GRID2: variants seen among roughly 807,000 people sequenced by gnomAD.
GRID2 encodes glutamate receptor ionotropic, delta-2.
GRID2 carries 33 observed loss-of-function variants against 114.8 expected under a neutral mutation model. That is an observed-to-expected ratio of 0.29 (90% confidence interval 0.22 to 0.38). The LOEUF (loss-of-function observed/expected upper bound fraction) is 0.38, where lower values mean the gene tolerates loss of function less well. Among genes scored for constraint, GRID2 ranks in the 10% least tolerant of loss-of-function variants. The pLI, the probability that GRID2 is intolerant of heterozygous loss-of-function variation, is 1.00. For missense variants in GRID2, 1,184 were observed against 1,257.7 expected, an observed-to-expected ratio of 0.94 and a Z score of 0.89; for synonymous variants, 505 against 449.9, an observed-to-expected ratio of 1.12 and a Z score of -1.55.
chr4:93,075,456 AC>A (rs1386166163), intron 2 of GRID2, among the ~76,000 whole-genome samples: 1 of 152,124 alleles, frequency 6.6e-6, no homozygotes, highest in African/African-American at 2.4e-5. Context: ...TCAAAATTGG[AC>A]TGGTGGTACC....
At chr4:92,641,966 ATTCTT>A (rs758368704) in intron 2 of GRID2, among the ~76,000 whole-genome samples, 4 of 150,886 alleles carry the variant, frequency 2.7e-5, no homozygotes, top group Non-Finnish European at 4.4e-5. Context: ...GCATTATTTC[ATTCTT>A]TTATGACTGT....
chr4:92,404,433 G>A (rs758531894), intron 1 of GRID2, among the ~76,000 whole-genome samples: 1 of 152,160 alleles, frequency 6.6e-6, no homozygotes, highest in African/African-American at 2.4e-5. Flanking sequence ...TTACACCGTT[G>A]GTGGGAATGT....
intron 8 of GRID2, among the ~76,000 whole-genome samples, chr4:93,270,478 T>G (rs954813755): frequency 6.6e-6 from 1 of 152,198 alleles, no homozygotes; most frequent in Non-Finnish European, 1.5e-5. Context: ...TGGAGAAGAC[T>G]TCTCTGTAAA....
At chr4:93,328,680 T>G (rs1451750495) in intron 8 of GRID2, among the ~76,000 whole-genome samples, 1 of 151,460 alleles carries the variant, frequency 6.6e-6, no homozygotes, top group African/African-American at 2.4e-5. Context: ...ATATGTTGAT[T>G]AAGTGCATGG....
At chr4:92,659,892 C>A (rs966944608) in intron 2 of GRID2, among the ~76,000 whole-genome samples, 2 of 151,418 alleles carry the variant, frequency 1.3e-5, no homozygotes, top group African/African-American at 4.8e-5. Flanking sequence ...TTAGTACATT[C>A]TTTCCTCGGA....
At chr4:93,141,597 CA>C (rs1374061596) in intron 4 of GRID2, among the ~76,000 whole-genome samples, 1 of 152,066 alleles carries the variant, frequency 6.6e-6, no homozygotes, top group Non-Finnish European at 1.5e-5. Context: ...GAAATGATTA[CA>C]AAAATTTATA....
At chr4:93,073,554 T>TG (rs1179819919) in intron 2 of GRID2, among the ~76,000 whole-genome samples, 2 of 152,162 alleles carry the variant, frequency 1.3e-5, no homozygotes, top group East Asian at 3.9e-4. Flanking sequence ...TTTTTTACTG[T>TG]GGGGGTTGAC....
At chr4:93,291,997 G>A (rs573939091) in intron 8 of GRID2, among the ~76,000 whole-genome samples, 1 of 152,120 alleles carries the variant, frequency 6.6e-6, no homozygotes, top group East Asian at 1.9e-4. Context: ...AAGTTTTATT[G>A]TTACTCATAA....
chr4:93,384,998 A>C (rs1018240006), intron 8 of GRID2, among the ~76,000 whole-genome samples: 1 of 152,174 alleles, frequency 6.6e-6, no homozygotes, highest in Non-Finnish European at 1.5e-5. Context: ...GATTTATGGG[A>C]GTTTCAATTG....
intron 11 of GRID2, among the ~76,000 whole-genome samples, chr4:93,460,416 G>T (rs1420047691): frequency 6.6e-6 from 1 of 152,068 alleles, no homozygotes; most frequent in African/African-American, 2.4e-5. Flanking sequence ...AACCTGATTA[G>T]ACTCTACTCC....
At chr4:92,687,426 ACT>A (rs1374355693) in intron 2 of GRID2, among the ~76,000 whole-genome samples, 2 of 152,180 alleles carry the variant, frequency 1.3e-5, no homozygotes, top group African/African-American at 4.8e-5. Context: ...CAATTCACAC[ACT>A]GTTTTTAGCT....
chr4:93,729,611 T>A (rs1327929602), intron 14 of GRID2, among the ~76,000 whole-genome samples: 2 of 151,986 alleles, frequency 1.3e-5, no homozygotes, highest in South Asian at 2.1e-4. Flanking sequence ...AGTGGCACGA[T>A]CTTGGCTCAC....
At chr4:93,524,821 A>G (rs865855177) in intron 13 of GRID2, among the ~76,000 whole-genome samples, 101 of 46,042 alleles carry the variant, frequency 2.2e-3, no homozygotes, top group African/African-American at 0.014. Flanking sequence ...ATATGTATGT[A>G]TGTATATATA....
At chr4:92,433,482 G>T (rs1047457863) in intron 1 of GRID2, among the ~76,000 whole-genome samples, 23 of 152,184 alleles carry the variant, frequency 1.5e-4, no homozygotes, top group African/African-American at 4.6e-4. Flanking sequence ...TTCCTCTGTG[G>T]GTGCCAGCTG....
At chr4:92,390,097 G>A (rs1359121339) in intron 1 of GRID2, among the ~76,000 whole-genome samples, 1 of 151,876 alleles carries the variant, frequency 6.6e-6, no homozygotes, top group Non-Finnish European at 1.5e-5. Flanking sequence ...TTACAGATGG[G>A]GATAAATTTG....
At chr4:93,532,233 A>G (rs2149514878) in intron 13 of GRID2, among the ~76,000 whole-genome samples, 1 of 152,258 alleles carries the variant, frequency 6.6e-6, no homozygotes, top group African/African-American at 2.4e-5. Flanking sequence ...TAATCTCCTG[A>G]GTGTCTGGGG....
intron 8 of GRID2, among the ~76,000 whole-genome samples, chr4:93,332,466 G>A (rs1758602546): frequency 7.5e-6 from 1 of 132,726 alleles, no homozygotes; most frequent in Non-Finnish European, 1.5e-5. Context: ...AGAATTTTAA[G>A]TTGTTTCTAT....
chr4:93,447,976 T>C (rs1722252615), intron 10 of GRID2, among the ~76,000 whole-genome samples: 1 of 151,938 alleles, frequency 6.6e-6, no homozygotes, highest in Admixed American at 6.6e-5. Context: ...TAGAACATAG[T>C]AAAGTATTAC....
In GRID2 at chr4:92,427,139, C is replaced by T. The variant is rs77194983; in HGVS notation, c.88+122395C>T. ...CTTACTAACTTCCTATACTCTGATCCGGCTCAAAATATCAGAAGGATGCTC... is the reference window on the plus strand; with the variant it reads ...CTTACTAACTTCCTATACTCTGATCTGGCTCAAAATATCAGAAGGATGCTC... On this transcript the variant is annotated intron_variant, in intron 1 of 15. Coordinates refer to ENST00000282020, the MANE Select transcript of GRID2 (RefSeq NM_001510.4). 2.9e-3 allele frequency among the ~76,000 whole-genome samples: 447 copies of T among 152,148 alleles called. 1 individual carries two copies. The highest frequency in any genetic ancestry group is 0.01 in the African/African-American group (425 of 41,522).
Sources: allele counts gnomAD v4.1 joint callset (sites outside exome capture counted in the v4.1 genomes callset), GRCh38; gene constraint gnomAD v4.1.1; transcripts MANE v1.5; gene names NCBI Gene and HGNC (gene_info 2026-07-23, HGNC 2026-07-21).